PPARGC1A: variants seen among roughly 807,000 people sequenced by gnomAD.
PPARGC1A encodes the protein peroxisome proliferator-activated receptor gamma coactivator 1-alpha.
Under a neutral mutation model 88.7 loss-of-function variants are expected in PPARGC1A, and 25 were observed. The ratio of observed to expected loss-of-function variants is 0.28; its 90% CI spans 0.21 to 0.39. The LOEUF (loss-of-function observed/expected upper bound fraction) is 0.39. Ranked by LOEUF, PPARGC1A falls within the 10% of genes least tolerant of loss-of-function variation. The probability of loss-of-function intolerance (pLI) is 1.00; values close to 1 mark genes in which losing one functional copy is unlikely to be tolerated. For missense variants in PPARGC1A, 880 were observed against 968.7 expected (o/e 0.91, Z 1.22); for synonymous variants, 363 against 355.6 (o/e 1.02, Z -0.24).
chr4:24,423,297 T>C, the PPARGC1A span, among the ~76,000 whole-genome samples: 82 of 152,312 alleles, frequency 5.4e-4, 1 homozygote, highest in East Asian at 0.014. Context: ...AAGACCCATG[T>C]TTGACTTGCT....
Position 23,890,039 on chromosome 4 carries a change from C to A in PPARGC1A, c.-82G>T, listed in dbSNP as rs984159616. 6.3e-7 allele frequency: 1 copy of A among 1,589,728 alleles called. No homozygotes were observed. Among genetic ancestry groups the A allele is most frequent in the Non-Finnish European group, 8.6e-7 (1 of 1,168,740 alleles). ...AGCACACACTCATGCAGGCAACCAG[C>A]CCCTTACTGAGAGTGAACTGAAGGC... On this transcript the variant is annotated 5_prime_UTR_variant, in exon 1 of 13. Transcript: ENST00000264867.
the PPARGC1A span, among the ~76,000 whole-genome samples, chr4:24,173,195 T>C: frequency 6.6e-6 from 1 of 152,064 alleles, no homozygotes; most frequent in African/African-American, 2.4e-5. Context: ...ATTCTGACAT[T>C]GTTGAAGGAT....
the PPARGC1A span, among the ~76,000 whole-genome samples, chr4:24,029,032 C>T: frequency 3.3e-5 from 5 of 152,246 alleles, no homozygotes; most frequent in South Asian, 2.1e-4. Context: ...AGATTAGATG[C>T]TTACATGTTA....
the PPARGC1A span, among the ~76,000 whole-genome samples, chr4:23,967,576 T>C: frequency 6.6e-6 from 1 of 152,100 alleles, no homozygotes; most frequent in East Asian, 1.9e-4. Flanking sequence ...CCCATTAGTG[T>C]GTATAGGGAA....
At chr4:23,828,267 A>T in intron 5 of PPARGC1A, 133 bp downstream of exon 5, 1 of 917,304 alleles carries the variant, frequency 1.1e-6, no homozygotes, top group South Asian at 1.6e-5. Flanking sequence ...GCTCTGTAAT[A>T]AGTGCTGAAT....
intron 10 of PPARGC1A, among the ~76,000 whole-genome samples, chr4:23,806,608 A>T (rs762251358): frequency 6.6e-6 from 1 of 152,222 alleles, no homozygotes; most frequent in African/African-American, 2.4e-5. Flanking sequence ...TTCAGTTTTC[A>T]TAAAAGCTAG....
At chr4:23,850,456 A>G (rs1158950523) in intron 2 of PPARGC1A, among the ~76,000 whole-genome samples, 1 of 152,220 alleles carries the variant, frequency 6.6e-6, no homozygotes, top group Non-Finnish European at 1.5e-5. Flanking sequence ...GTAGACACCA[A>G]CAATTTCTAT....
At chr4:24,384,132 T>G in the PPARGC1A span, among the ~76,000 whole-genome samples, 1 of 152,262 alleles carries the variant, frequency 6.6e-6, no homozygotes, top group East Asian at 1.9e-4. Flanking sequence ...CCAGCCAAAC[T>G]AAGCTTCATA....
chr4:24,359,065 G>A, the PPARGC1A span, among the ~76,000 whole-genome samples: 2 of 152,082 alleles, frequency 1.3e-5, no homozygotes, highest in African/African-American at 4.8e-5. Flanking sequence ...CTTTATTTAT[G>A]GTTTAAAACT....
chr4:23,948,106 T>A, the PPARGC1A span, among the ~76,000 whole-genome samples: 2 of 152,254 alleles, frequency 1.3e-5, no homozygotes, highest in Admixed American at 1.3e-4. Flanking sequence ...ACTGCAAACC[T>A]CTGTTCTGGA....
the PPARGC1A span, among the ~76,000 whole-genome samples, chr4:23,943,314 CTAGCAA>C: frequency 6.6e-6 from 1 of 151,536 alleles, no homozygotes; most frequent in African/African-American, 2.4e-5. Flanking sequence ...TTTAATAAAG[CTAGCAA>C]ACATGAGTGC....
the PPARGC1A span, among the ~76,000 whole-genome samples, chr4:23,989,437 T>C: frequency 6.6e-6 from 1 of 151,970 alleles, no homozygotes. Context: ...TATTATCATA[T>C]CTTATCCCCT....
the PPARGC1A span, among the ~76,000 whole-genome samples, chr4:24,268,535 A>G: frequency 1.0e-3 from 158 of 152,326 alleles, 1 homozygote; most frequent in African/African-American, 3.7e-3. Flanking sequence ...GATAAGTAAT[A>G]CAAGGTGCAT....
chr4:24,199,582 T>C, the PPARGC1A span, among the ~76,000 whole-genome samples: 2 of 152,052 alleles, frequency 1.3e-5, no homozygotes, highest in African/African-American at 4.8e-5. Flanking sequence ...TTAGCAATGG[T>C]AAGATGGCTA....
At chr4:24,211,423 G>A in the PPARGC1A span, among the ~76,000 whole-genome samples, 1 of 152,174 alleles carries the variant, frequency 6.6e-6, no homozygotes, top group Non-Finnish European at 1.5e-5. Context: ...TGAAGGAGCT[G>A]CCAGGATACA....
chr4:23,811,154 C>T (rs1464840004), intron 10 of PPARGC1A, among the ~76,000 whole-genome samples: 2 of 152,172 alleles, frequency 1.3e-5, no homozygotes, highest in Non-Finnish European at 2.9e-5. Context: ...ACTTATTTCT[C>T]CTTAAGTGCC....
Position 23,889,971 on chromosome 4 carries a change from G to A in PPARGC1A, c.-14C>T. 1 of 1,613,734 alleles carries A rather than the reference G, an allele frequency of 6.2e-7. No homozygotes were observed. Among genetic ancestry groups the A allele is most frequent in the South Asian group, 1.1e-5 (1 of 91,056 alleles). On this transcript the variant is annotated 5_prime_UTR_variant, in exon 1 of 13. Coordinates refer to ENST00000264867, the MANE Select transcript of PPARGC1A (RefSeq NM_013261.5). ...GTCCCACGCCATCCAGCTCCTGAAT[G>A]ACGCCAGTCAAGCTTTTTCAACTCC...
the PPARGC1A span, among the ~76,000 whole-genome samples, chr4:23,920,096 G>C: frequency 6.6e-6 from 1 of 152,176 alleles, no homozygotes; most frequent in African/African-American, 2.4e-5. Flanking sequence ...TAGAGACAGT[G>C]ATTTTTAACT....
chr4:24,099,520 A>G, the PPARGC1A span, among the ~76,000 whole-genome samples: 1 of 152,194 alleles, frequency 6.6e-6, no homozygotes, highest in Non-Finnish European at 1.5e-5. Flanking sequence ...GGAGCCTTAC[A>G]CATGGCTAGA....
Sources: allele counts gnomAD v4.1 joint callset (sites outside exome capture counted in the v4.1 genomes callset), GRCh38; gene constraint gnomAD v4.1.1; transcripts MANE v1.5; gene names NCBI Gene and HGNC (gene_info 2026-07-23, HGNC 2026-07-21).